THSD7A: variants seen among roughly 807,000 people sequenced by gnomAD.
THSD7A encodes thrombospondin type-1 domain-containing protein 7A.
THSD7A carries 96 observed loss-of-function variants against 231.3 expected under a neutral mutation model. The ratio of observed to expected loss-of-function variants is 0.41; its 90% CI spans 0.35 to 0.49. The LOEUF (loss-of-function observed/expected upper bound fraction) is 0.49. Ranked by LOEUF, THSD7A falls within the 20% of genes least tolerant of loss-of-function variation. The probability of loss-of-function intolerance (pLI) is 0.05; values close to 1 mark genes in which losing one functional copy is unlikely to be tolerated. For missense variants in THSD7A, 2,290 were observed against 2,070.2 expected (o/e 1.11, Z -2.06); for synonymous variants, 940 against 743.3 (o/e 1.26, Z -4.30).
chr7:11,619,884 A>G (rs909820987), intron 2 of THSD7A, among the ~76,000 whole-genome samples: 101 of 152,310 alleles, frequency 6.6e-4, no homozygotes, highest in African/African-American at 2.4e-3. Context: ...TCAATTTTAT[A>G]ATTATTTTAT....
chr7:11,771,398 A>G (rs1369790995), intron 1 of THSD7A, among the ~76,000 whole-genome samples: 1 of 152,064 alleles, frequency 6.6e-6, no homozygotes, highest in African/African-American at 2.4e-5. Context: ...TTGACATGTG[A>G]ACACTAGGTA....
chr7:11,668,876 G>A (rs750348153), intron 1 of THSD7A, among the ~76,000 whole-genome samples: 4 of 152,200 alleles, frequency 2.6e-5, no homozygotes, highest in Non-Finnish European at 4.4e-5. Flanking sequence ...TATATAGGGT[G>A]TAGATATGTA....
At chr7:11,394,805 A>G (rs1290622671) in intron 23 of THSD7A, among the ~76,000 whole-genome samples, 1 of 152,182 alleles carries the variant, frequency 6.6e-6, no homozygotes, top group Admixed American at 6.5e-5. Context: ...CCTGTGGCCG[A>G]GTACTCATTT....
At chr7:11,703,628 T>C (rs900062787) in intron 1 of THSD7A, among the ~76,000 whole-genome samples, 1 of 151,248 alleles carries the variant, frequency 6.6e-6, no homozygotes, top group Non-Finnish European at 1.5e-5. Context: ...TAGCTGGCAT[T>C]TTATACATTT....
intron 4 of THSD7A, among the ~76,000 whole-genome samples, chr7:11,559,890 T>C (rs975291314): frequency 3.9e-5 from 6 of 152,196 alleles, no homozygotes; most frequent in Non-Finnish European, 8.8e-5. Context: ...ATTTGGAATA[T>C]TCTAGTATGA....
intron 2 of THSD7A, among the ~76,000 whole-genome samples, chr7:11,629,368 T>C (rs1443703850): frequency 1.3e-5 from 2 of 152,146 alleles, no homozygotes; most frequent in Non-Finnish European, 2.9e-5. Context: ...TGACTCTGTT[T>C]AGTCAGGTGT....
chr7:11,616,557 T>C (rs1032126874), intron 2 of THSD7A, among the ~76,000 whole-genome samples: 5 of 152,198 alleles, frequency 3.3e-5, no homozygotes, highest in African/African-American at 4.8e-5. Flanking sequence ...ATAGCTAAAA[T>C]TGAAAATCTG....
At chr7:11,492,978 A>G (rs752531188) in intron 6 of THSD7A, among the ~76,000 whole-genome samples, 9 of 152,102 alleles carry the variant, frequency 5.9e-5, no homozygotes, top group Non-Finnish European at 7.4e-5. Flanking sequence ...GAAGTGCTCT[A>G]TAAGTTGGTC....
chr7:11,446,422 A>AT lies in THSD7A; in HGVS notation c.2801-99dup. On this transcript the variant is annotated intron_variant, in intron 12 of 27. Transcript: ENST00000423059. This position sits in a 1 kb window ranked among gnomAD's most constrained non-coding sequence, Gnocchi z 4.0. ...CTGCTTTCCTAATTTCTTTTTCTTC[A>AT]TTTTTAACCATATTTAACAGTAGCC... 1.5e-6 allele frequency: 2 copies of AT among 1,326,684 alleles called. No homozygotes were observed. Among genetic ancestry groups the AT allele is most frequent in the Non-Finnish European group, 2.1e-6 (2 of 973,720 alleles). 82.2% of individuals were successfully genotyped at this position (1,326,684 alleles called of 1,614,324 possible).
chr7:11,753,389 T>C (rs1161944381), intron 1 of THSD7A, among the ~76,000 whole-genome samples: 1 of 152,106 alleles, frequency 6.6e-6, no homozygotes, highest in African/African-American at 2.4e-5. Flanking sequence ...TGTACACTAT[T>C]ATTTTTTAAT....
In THSD7A at chr7:11,390,531, C is replaced by G. The variant is rs139397195; in HGVS notation, c.4412-7915G>C. ...ACCTTTTTTCAAGGTTCTTAGCTTC[C>G]TTGCATTTGGTTAGAACATGCTCTT... is the stretch of plus-strand genomic sequence containing the variant. On this transcript the variant is annotated intron_variant, in intron 23 of 27. Coordinates refer to ENST00000423059, the MANE Select transcript of THSD7A (RefSeq NM_015204.3). 5.1e-3 allele frequency among the ~76,000 whole-genome samples: 770 copies of G among 152,276 alleles called. 3 individuals carry two copies. The highest frequency in any genetic ancestry group is 7.1e-3 in the Admixed American group (109 of 15,298).
At chr7:11,481,539 T>C (rs1194330285) in intron 7 of THSD7A, among the ~76,000 whole-genome samples, 1 of 152,126 alleles carries the variant, frequency 6.6e-6, no homozygotes, top group African/African-American at 2.4e-5. Context: ...CTCTAATGAC[T>C]GGAAGGGTGG....
At chr7:11,780,133 T>C (rs1376877609) in intron 1 of THSD7A, among the ~76,000 whole-genome samples, 4 of 152,230 alleles carry the variant, frequency 2.6e-5, no homozygotes, top group African/African-American at 4.8e-5. Context: ...TATCCTCACA[T>C]GGCAGAGAAC....
At chr7:11,781,668 G>C (rs1262684937) in intron 1 of THSD7A, among the ~76,000 whole-genome samples, 2 of 152,098 alleles carry the variant, frequency 1.3e-5, no homozygotes, top group African/African-American at 4.8e-5. Context: ...TATCTTTCTT[G>C]CTTGTATGTT....
intron 1 of THSD7A, among the ~76,000 whole-genome samples, chr7:11,810,535 G>T (rs1784503662): frequency 6.6e-6 from 1 of 152,092 alleles, no homozygotes; most frequent in Non-Finnish European, 1.5e-5. Flanking sequence ...AAATAAAGGG[G>T]CTTAGAGGGC....
intron 2 of THSD7A, among the ~76,000 whole-genome samples, chr7:11,616,786 T>C (rs563118013): frequency 6.6e-6 from 1 of 152,258 alleles, no homozygotes; most frequent in South Asian, 2.1e-4. Flanking sequence ...GCACATCCTG[T>C]AGCTTTTCCC....
At chr7:11,525,636 T>A (rs1281177788) in intron 6 of THSD7A, among the ~76,000 whole-genome samples, 1 of 152,188 alleles carries the variant, frequency 6.6e-6, no homozygotes, top group Non-Finnish European at 1.5e-5. Flanking sequence ...GAAGTGTATA[T>A]GTATAATGCT....
At chr7:11,606,701 A>T (rs959451740) in intron 2 of THSD7A, among the ~76,000 whole-genome samples, 4 of 152,134 alleles carry the variant, frequency 2.6e-5, no homozygotes, top group Admixed American at 6.6e-5. Flanking sequence ...TCACTTGACA[A>T]TATTAACAAA....
chr7:11,713,510 A>C (rs1781032092), intron 1 of THSD7A, among the ~76,000 whole-genome samples: 1 of 151,252 alleles, frequency 6.6e-6, no homozygotes, highest in South Asian at 2.1e-4. Flanking sequence ...CAGATTACTC[A>C]TGGAGGCATA....
Sources: allele counts gnomAD v4.1 joint callset (sites outside exome capture counted in the v4.1 genomes callset), GRCh38; gene constraint gnomAD v4.1.1; non-coding constraint Gnocchi (gnomAD v3.1); transcripts MANE v1.5; gene names NCBI Gene and HGNC (gene_info 2026-07-23, HGNC 2026-07-21).